Variants in TDRD3 observed in about 807,000 individuals in gnomAD.
The protein encoded by TDRD3 is tudor domain-containing protein 3.
In TDRD3, 45 loss-of-function variants were observed where a neutral mutation model predicts 86.7. That is an observed-to-expected ratio of 0.52 (90% confidence interval 0.41 to 0.67). The LOEUF (loss-of-function observed/expected upper bound fraction) is 0.67. Among genes scored for constraint, TDRD3 ranks in the 30% least tolerant of loss-of-function variants. The pLI is 0.00. For synonymous variants in TDRD3, 298 were observed against 301.7 expected (o/e 0.99, Z 0.13); for missense variants, 814 against 889.0 (o/e 0.92, Z 1.07).
chr13:60,533,594 T>C (rs980271124), intron 11 of TDRD3, among the ~76,000 whole-genome samples: 1 of 151,886 alleles, frequency 6.6e-6, no homozygotes, highest in African/African-American at 2.4e-5. Context: ...TGAGCTGAGA[T>C]TGCACCACTG....
At chr13:60,493,560 G>A (rs1270425041) in intron 7 of TDRD3, among the ~76,000 whole-genome samples, 4 of 152,100 alleles carry the variant, frequency 2.6e-5, no homozygotes, top group Admixed American at 6.5e-5. Context: ...CTACTGAGGA[G>A]GCTGAGACAG....
chr13:60,432,113 C>G (rs547091466), intron 1 of TDRD3, among the ~76,000 whole-genome samples: 2 of 151,960 alleles, frequency 1.3e-5, no homozygotes, highest in African/African-American at 4.8e-5. Flanking sequence ...AAATAAAAGA[C>G]CTCTTTTTTC....
intron 10 of TDRD3, among the ~76,000 whole-genome samples, chr13:60,521,893 G>C (rs937943697): frequency 6.6e-6 from 1 of 151,006 alleles, no homozygotes; most frequent in Non-Finnish European, 1.5e-5. Flanking sequence ...GTGAAACTCC[G>C]TTTCAAAAAA....
intron 3 of TDRD3, 69 bp downstream of exon 3, chr13:60,444,817 A>C: frequency 1.0e-6 from 1 of 965,084 alleles, no homozygotes; most frequent in East Asian, 3.0e-5. Flanking sequence ...AATTACTGGA[A>C]TTACTTTTTG....
At chr13:60,480,872 C>T (rs1360880177) in intron 5 of TDRD3, among the ~76,000 whole-genome samples, 1 of 151,868 alleles carries the variant, frequency 6.6e-6, no homozygotes, top group African/African-American at 2.4e-5. Context: ...ACAGCTGGGG[C>T]ACTGCAGGCA....
intron 12 of TDRD3, 53 bp downstream of exon 12, chr13:60,535,286 T>C (rs1485852345): frequency 1.3e-6 from 2 of 1,541,220 alleles, no homozygotes; most frequent in East Asian, 4.7e-5. Flanking sequence ...AGAAAATATA[T>C]AGCTCTAAAG....
chr13:60,473,102 G>A (rs1029531175), intron 5 of TDRD3, among the ~76,000 whole-genome samples: 2 of 152,180 alleles, frequency 1.3e-5, no homozygotes, highest in African/African-American at 4.8e-5. Context: ...AGGCCCAGAA[G>A]TACAATAACA....
intron 12 of TDRD3, among the ~76,000 whole-genome samples, chr13:60,566,950 A>G (rs1958473927): frequency 6.6e-6 from 1 of 152,134 alleles, no homozygotes; most frequent in Non-Finnish European, 1.5e-5. Context: ...CTTTCTTTAT[A>G]TGTAAATTGT....
chr13:60,523,255 A>C (rs2137738334), intron 10 of TDRD3, among the ~76,000 whole-genome samples: 1 of 152,314 alleles, frequency 6.6e-6, no homozygotes, highest in African/African-American at 2.4e-5. Context: ...TTCTGCAAAA[A>C]AGTATTAATA....
At chr13:60,516,832 C>T (rs1445206543) in intron 10 of TDRD3, among the ~76,000 whole-genome samples, 1 of 152,186 alleles carries the variant, frequency 6.6e-6, no homozygotes, top group Non-Finnish European at 1.5e-5. Context: ...CATCGGCTTT[C>T]ACTGTTTTTT....
chr13:60,457,920 C>A (rs529191772), intron 3 of TDRD3, among the ~76,000 whole-genome samples: 1 of 152,262 alleles, frequency 6.6e-6, no homozygotes, highest in East Asian at 1.9e-4. Context: ...GGCTTTAGGG[C>A]CCACTGTAAT....
chr13:60,440,933 T>C (rs1037522806), intron 2 of TDRD3, among the ~76,000 whole-genome samples: 3 of 152,126 alleles, frequency 2.0e-5, no homozygotes, highest in African/African-American at 7.2e-5. Flanking sequence ...GTTAAAAAAG[T>C]TACTTAAATT....
At chr13:60,462,466 G>A (rs1357261561) in intron 4 of TDRD3, among the ~76,000 whole-genome samples, 1 of 152,144 alleles carries the variant, frequency 6.6e-6, no homozygotes, top group African/African-American at 2.4e-5. Context: ...AATGGCAGCT[G>A]ACAAAATAGT....
At chr13:60,402,098 C>T (rs1954117586) in intron 1 of TDRD3, among the ~76,000 whole-genome samples, 1 of 152,212 alleles carries the variant, frequency 6.6e-6, no homozygotes, top group Non-Finnish European at 1.5e-5. Context: ...TAGTTTTTGA[C>T]CTGTCCACAG....
At position 60,509,907 on chromosome 13, in the gene TDRD3, C is replaced by A. The variant is rs375852710; in HGVS notation, c.1003C>A (p.Pro335Thr). ...TSNKQKPVMG[P>T]PLRGRGKGRG... ...CAATAAACAGAAACCTGTTATGGGT[C>A]CTCCTCTGAGAGGTATAATTTATTA... is the stretch of plus-strand genomic sequence containing the variant. The change falls in exon 9 of 14, where the codon CCT (proline) becomes ACT (threonine). Residue 335 changes from proline to threonine, a missense_variant. Pro to Thr is a conservative substitution (Grantham distance 38). Transcript: ENST00000377881. 1 of 1,613,470 alleles carries A rather than the reference C, an allele frequency of 6.2e-7. No homozygotes were observed. The highest frequency in any genetic ancestry group is 8.5e-7 in the Non-Finnish European group (1 of 1,179,548).
At chr13:60,510,154 C>CAAT (rs1957026498) in intron 9 of TDRD3, among the ~76,000 whole-genome samples, 1 of 152,092 alleles carries the variant, frequency 6.6e-6, no homozygotes, top group African/African-American at 2.4e-5. Context: ...ATGGGTCTAA[C>CAAT]AATACCTTAT....
intron 1 of TDRD3, among the ~76,000 whole-genome samples, chr13:60,398,073 C>T (rs373699721): frequency 6.6e-6 from 1 of 152,160 alleles, no homozygotes; most frequent in African/African-American, 2.4e-5. Context: ...TTTAAGAGGC[C>T]TTTCGTGTCA....
intron 3 of TDRD3, among the ~76,000 whole-genome samples, chr13:60,446,084 A>C (rs978711432): frequency 6.6e-6 from 1 of 152,156 alleles, no homozygotes; most frequent in South Asian, 2.1e-4. Flanking sequence ...AAACATTCTT[A>C]ATGCAAATGT....
At chr13:60,420,983 A>C (rs146756376) in intron 1 of TDRD3, among the ~76,000 whole-genome samples, 1 of 152,078 alleles carries the variant, frequency 6.6e-6, no homozygotes, top group Non-Finnish European at 1.5e-5. Flanking sequence ...TTGTGGGTCT[A>C]TATTGTTTTA....
Sources: allele counts gnomAD v4.1 joint callset (sites outside exome capture counted in the v4.1 genomes callset), GRCh38; gene constraint gnomAD v4.1.1; transcripts MANE v1.5; gene names NCBI Gene and HGNC (gene_info 2026-07-23, HGNC 2026-07-21).